Variants in ERBB4 observed in about 807,000 individuals in gnomAD.
ERBB4 encodes the protein erb-b2 receptor tyrosine kinase 4, also known as receptor tyrosine-protein kinase erbB-4.
Under a neutral mutation model 158.0 loss-of-function variants are expected in ERBB4, and 42 were observed. The ratio of observed to expected loss-of-function variants is 0.27; its 90% CI spans 0.21 to 0.34. The LOEUF (loss-of-function observed/expected upper bound fraction) is 0.34, where lower values mean the gene tolerates loss of function less well. Among genes scored for constraint, ERBB4 ranks in the 10% least tolerant of loss-of-function variants. The pLI, the probability that ERBB4 is intolerant of heterozygous loss-of-function variation, is 1.00. For synonymous variants in ERBB4, 583 were observed against 558.7 expected (o/e 1.04, Z -0.61); for missense variants, 1,333 against 1,624.1 (o/e 0.82, Z 3.08).
At chr2:211,750,073 A>G (rs530449174) in intron 5 of ERBB4, among the ~76,000 whole-genome samples, 3 of 152,260 alleles carry the variant, frequency 2.0e-5, no homozygotes, top group South Asian at 2.1e-4. Context: ...CTTAGCAATG[A>G]TGATAGCTTC....
chr2:212,188,912 G>A (rs2082108584), intron 1 of ERBB4, among the ~76,000 whole-genome samples: 1 of 151,962 alleles, frequency 6.6e-6, no homozygotes, highest in Non-Finnish European at 1.5e-5. Context: ...CTTATTAAAT[G>A]CATGCTGAAC....
intron 20 of ERBB4, among the ~76,000 whole-genome samples, chr2:211,471,933 G>A (rs2064836625): frequency 2.0e-5 from 3 of 152,060 alleles, no homozygotes; most frequent in Non-Finnish European, 4.4e-5. Flanking sequence ...CTTGAGGCCA[G>A]GAATTGAAGA....
At chr2:212,342,307 G>T (rs1288328422) in intron 1 of ERBB4, among the ~76,000 whole-genome samples, 2 of 152,162 alleles carry the variant, frequency 1.3e-5, no homozygotes, top group African/African-American at 4.8e-5. Flanking sequence ...GAGGGACCTG[G>T]TGGGAGATAA....
At chr2:211,691,423 A>C (rs958783684) in intron 12 of ERBB4, among the ~76,000 whole-genome samples, 17 of 152,150 alleles carry the variant, frequency 1.1e-4, no homozygotes, top group Non-Finnish European at 2.1e-4. Context: ...AAAAATATTT[A>C]TTGAGAAACT....
At chr2:211,942,125 G>T (rs939275972) in intron 3 of ERBB4, among the ~76,000 whole-genome samples, 2 of 151,974 alleles carry the variant, frequency 1.3e-5, no homozygotes, top group African/African-American at 4.8e-5. Flanking sequence ...TGTCCTTTTC[G>T]ATATTAGGTT....
chr2:212,088,379 A>G lies in ERBB4; in HGVS notation c.234+36373T>C, dbSNP rs190065282. On this transcript the variant is annotated intron_variant, in intron 2 of 27. Coordinates refer to ENST00000342788, the MANE Select transcript of ERBB4 (RefSeq NM_005235.3). ...AAGATGTGGGTTTTAAAGATTAAAC[A>G]GTGCTACTGGAAGAATTATTGTGAA... is the stretch of plus-strand genomic sequence containing the variant. Among the ~76,000 whole-genome samples, 111 of 152,296 alleles carry G rather than the reference A, an allele frequency of 7.3e-4. 1 individual carries two copies. The highest frequency in any genetic ancestry group is 2.4e-3 in the African/African-American group (99 of 41,572).
At chr2:211,917,924 CTCCACTTAAGAG>C (rs1199351706) in intron 3 of ERBB4, among the ~76,000 whole-genome samples, 1 of 152,158 alleles carries the variant, frequency 6.6e-6, no homozygotes, top group Non-Finnish European at 1.5e-5. Flanking sequence ...ATTACAGCTT[CTCCACTTAAGAG>C]TCCACTGGGG....
intron 3 of ERBB4, among the ~76,000 whole-genome samples, chr2:211,788,561 A>T (rs2076218831): frequency 6.6e-6 from 1 of 152,142 alleles, no homozygotes; most frequent in South Asian, 2.1e-4. Context: ...TGAGAACAGG[A>T]TATGTCATAG....
intron 1 of ERBB4, among the ~76,000 whole-genome samples, chr2:212,394,334 G>C (rs1182790774): frequency 6.6e-6 from 1 of 151,878 alleles, no homozygotes; most frequent in Non-Finnish European, 1.5e-5. Flanking sequence ...TTTACAATGA[G>C]AAAATTATTT....
chr2:212,517,551 T>C (rs1575069322), intron 1 of ERBB4, among the ~76,000 whole-genome samples: 1 of 152,064 alleles, frequency 6.6e-6, no homozygotes, highest in African/African-American at 2.4e-5. Context: ...GTAGTAAAAA[T>C]AGTCAGTTGA....
At chr2:211,596,332 G>A (rs749761110) in intron 19 of ERBB4, among the ~76,000 whole-genome samples, 2 of 151,978 alleles carry the variant, frequency 1.3e-5, no homozygotes, top group Non-Finnish European at 2.9e-5. Flanking sequence ...TTTCATTTTT[G>A]GAAGTAGAAA....
intron 1 of ERBB4, among the ~76,000 whole-genome samples, chr2:212,479,518 C>T (rs1401461438): frequency 2.6e-5 from 4 of 152,124 alleles, no homozygotes; most frequent in Admixed American, 6.6e-5. Flanking sequence ...CCGAGCACTA[C>T]GCTTGAAAGT....
At position 211,501,297 on chromosome 2, in the gene ERBB4, A is replaced by G. The variant is rs1192898348; in HGVS notation, c.2487+60606T>C. The stretch of plus-strand genomic sequence containing the variant: ...TATTTACTACCACAATAGGGCTACC[A>G]TAACTAACAATAATTTATTGTATAT... On this transcript the variant is annotated intron_variant, in intron 20 of 27. Transcript: ENST00000342788. 2.6e-5 allele frequency among the ~76,000 whole-genome samples: 4 copies of G among 151,872 alleles called. No individual in the cohort carries two copies. In the South Asian group the frequency reaches 8.3e-4, roughly 31 times the overall value.
At chr2:212,264,284 T>C (rs2106096611) in intron 1 of ERBB4, among the ~76,000 whole-genome samples, 1 of 152,254 alleles carries the variant, frequency 6.6e-6, no homozygotes, top group East Asian at 1.9e-4. Context: ...GGAAAAGCTC[T>C]CGTTGGTCAT....
chr2:211,619,217 T>C lies in ERBB4; in HGVS notation c.2261A>G (p.Asn754Ser), dbSNP rs2069503058. Residue 754 changes from asparagine to serine, a missense_variant, in exon 19 of 28, where the codon AAT becomes AGT. Around this residue, in one of 5 missense-constraint regions of ERBB4, gnomAD observed 314 missense variants for 437.6 expected, o/e 0.72. Transcript: ENST00000342788. ...VKIPVAIKIL[N>S]ETTGPKANVE... is the part of the protein sequence containing the mutation. Reference sequence around the variant, plus strand: ...ATTTGCCTTGGGACCAGTTGTCTCATTAAGAATCTTAATAGCCACAGGAAT... The same window carrying C: ...ATTTGCCTTGGGACCAGTTGTCTCACTAAGAATCTTAATAGCCACAGGAAT... 1.2e-6 allele frequency: 2 copies of C among 1,612,592 alleles called. No individual in the cohort carries two copies. The highest frequency in any genetic ancestry group is 4.5e-5 in the East Asian group (2 of 44,804).
At chr2:212,322,431 T>TA (rs34964796) in intron 1 of ERBB4, among the ~76,000 whole-genome samples, 15 of 149,508 alleles carry the variant, frequency 1.0e-4, no homozygotes, top group South Asian at 2.1e-4. Context: ...TTAAAAGCTA[T>TA]AAAAAAAAAT....
intron 18 of ERBB4, among the ~76,000 whole-genome samples, chr2:211,622,766 C>G (rs565547025): frequency 5.4e-4 from 81 of 150,298 alleles, no homozygotes; most frequent in Non-Finnish European, 1.1e-3. Flanking sequence ...AGTTCGAGAC[C>G]AGCCTGGCCA....
chr2:212,003,215 AGGAAG>A (rs1487141769), intron 2 of ERBB4, among the ~76,000 whole-genome samples: 24 of 47,332 alleles, frequency 5.1e-4, no homozygotes, highest in Admixed American at 1.0e-3. Flanking sequence ...GACAGAAAGA[AGGAAG>A]GAAGGAAGGA....
chr2:212,396,109 A>G (rs977899179), intron 1 of ERBB4, among the ~76,000 whole-genome samples: 1 of 152,202 alleles, frequency 6.6e-6, no homozygotes, highest in Non-Finnish European at 1.5e-5. Context: ...CGTGTGCTCA[A>G]ATAGAAACAG....
Sources: allele counts gnomAD v4.1 joint callset (sites outside exome capture counted in the v4.1 genomes callset), GRCh38; gene constraint gnomAD v4.1.1; regional missense constraint gnomAD v4.1.1; transcripts MANE v1.5; gene names NCBI Gene and HGNC (gene_info 2026-07-23, HGNC 2026-07-21).